Variants in FARS2 observed in about 807,000 individuals in gnomAD.
The protein encoded by FARS2 is phenylalanine--tRNA ligase, mitochondrial.
A neutral mutation model predicts 46.4 loss-of-function variants in FARS2; 40 were observed. That is an observed-to-expected ratio of 0.86 (90% CI 0.67 to 1.12). FARS2 has a LOEUF of 1.12. Among genes scored for constraint, FARS2 ranks in the 50% most tolerant of loss-of-function variants. FARS2 has a pLI of 0.00. For synonymous variants in FARS2, 234 were observed against 214.9 expected (o/e 1.09, Z -0.78); for missense variants, 513 against 567.9 (o/e 0.90, Z 0.98).
At chr6:5,712,002 A>G (rs1759202563) in intron 6 of FARS2, among the ~76,000 whole-genome samples, 1 of 152,216 alleles carries the variant, frequency 6.6e-6, no homozygotes, top group Non-Finnish European at 1.5e-5. Context: ...CTGTAAATCT[A>G]AAGCTTCTAA....
intron 5 of FARS2, chr6:5,610,016 A>G: frequency 1.0e-6 from 1 of 998,090 alleles, no homozygotes; most frequent in Non-Finnish European, 1.6e-6. Flanking sequence ...GCAGTGGCAT[A>G]GTGACAAACC....
chr6:5,754,138 T>C lies in FARS2; in HGVS notation c.1218-17153T>C, dbSNP rs903484088. Among the ~76,000 whole-genome samples the C allele has an allele frequency of 2.0e-5, 3 of 152,252 alleles. 1 individual carries two copies. Among genetic ancestry groups the C allele is most frequent in the African/African-American group, 7.2e-5 (3 of 41,470 alleles). On this transcript the variant is annotated intron_variant, in intron 6 of 6. Transcript: ENST00000274680. ...TTTTGTTCCAGGCACTGTGTTAGGATCTCATACACATATATCTATCTGACT... is the reference window on the plus strand; with the variant it reads ...TTTTGTTCCAGGCACTGTGTTAGGACCTCATACACATATATCTATCTGACT...
At chr6:5,693,148 C>T (rs1380745257) in intron 6 of FARS2, among the ~76,000 whole-genome samples, 1 of 152,170 alleles carries the variant, frequency 6.6e-6, no homozygotes, top group African/African-American at 2.4e-5. Context: ...GCAAATCCAG[C>T]CTGACATTCA....
At chr6:5,345,596 G>A (rs1358251918) in intron 1 of FARS2, among the ~76,000 whole-genome samples, 2 of 152,238 alleles carry the variant, frequency 1.3e-5, no homozygotes, top group Non-Finnish European at 2.9e-5. Context: ...ACGGAGATGA[G>A]TGGTAAGAGA....
intron 6 of FARS2, among the ~76,000 whole-genome samples, chr6:5,670,271 C>T (rs1334963270): frequency 6.6e-6 from 1 of 152,162 alleles, no homozygotes; most frequent in Non-Finnish European, 1.5e-5. Context: ...AAATAAGTTA[C>T]ATCAATACTG....
intron 6 of FARS2, among the ~76,000 whole-genome samples, chr6:5,698,915 G>A (rs760074776): frequency 3.5e-4 from 54 of 152,202 alleles, no homozygotes; most frequent in Non-Finnish European, 7.1e-4. Flanking sequence ...TGGGGCTGCT[G>A]GGCTGCAGGG....
At chr6:5,709,237 C>A (rs1372719973) in intron 6 of FARS2, among the ~76,000 whole-genome samples, 1 of 152,106 alleles carries the variant, frequency 6.6e-6, no homozygotes, top group African/African-American at 2.4e-5. Context: ...GCCATAGATG[C>A]TGAGACTGGA....
chr6:5,436,422 A>G (rs1206426679), intron 4 of FARS2, among the ~76,000 whole-genome samples: 2 of 152,216 alleles, frequency 1.3e-5, no homozygotes, highest in African/African-American at 4.8e-5. Flanking sequence ...CTGTACTGGT[A>G]ATAAACATGC....
chr6:5,695,106 T>G (rs1478566725), intron 6 of FARS2: 2 of 152,268 alleles, frequency 1.3e-5, no homozygotes, highest in Non-Finnish European at 2.9e-5. Context: ...TTTCTTCTTT[T>G]CATTCTCATG....
chr6:5,746,100 C>T (rs977419234), intron 6 of FARS2, among the ~76,000 whole-genome samples: 1 of 152,106 alleles, frequency 6.6e-6, no homozygotes, highest in South Asian at 2.1e-4. Flanking sequence ...CCTGATGATT[C>T]TTTTCATTAT....
intron 5 of FARS2, among the ~76,000 whole-genome samples, chr6:5,564,971 AAC>A (rs1475395108): frequency 1.3e-5 from 2 of 152,178 alleles, no homozygotes; most frequent in Non-Finnish European, 2.9e-5. Context: ...CTTAAAGGGA[AAC>A]ACACACTTTC....
At chr6:5,621,795 A>G (rs1274416288) in intron 6 of FARS2, among the ~76,000 whole-genome samples, 1 of 152,318 alleles carries the variant, frequency 6.6e-6, no homozygotes, top group Admixed American at 6.5e-5. Flanking sequence ...TTATCTCAGG[A>G]TACACCTGAA....
At chr6:5,322,572 T>G (rs1034428101) in intron 1 of FARS2, among the ~76,000 whole-genome samples, 3 of 152,172 alleles carry the variant, frequency 2.0e-5, no homozygotes, top group African/African-American at 7.2e-5. Flanking sequence ...CTTTTTCTTT[T>G]TTTGGTTTGT....
chr6:5,261,685 T>G (rs986527218), intron 1 of FARS2, 25 bp downstream of exon 1: 3 of 152,410 alleles, frequency 2.0e-5, no homozygotes, highest in Non-Finnish European at 4.4e-5. Flanking sequence ...CATTGCAGCC[T>G]GGGGTACGAC....
intron 6 of FARS2, among the ~76,000 whole-genome samples, chr6:5,715,219 A>G (rs1759424793): frequency 6.6e-6 from 1 of 152,100 alleles, no homozygotes. Context: ...CATAATTTTG[A>G]GAGTGAGGAT....
intron 5 of FARS2, among the ~76,000 whole-genome samples, chr6:5,610,545 G>A (rs994661575): frequency 6.6e-6 from 1 of 152,112 alleles, no homozygotes; most frequent in Non-Finnish European, 1.5e-5. Context: ...TAATCTAGAT[G>A]TGCATAGGTT....
intron 6 of FARS2, among the ~76,000 whole-genome samples, chr6:5,743,247 C>A (rs1411966250): frequency 6.6e-6 from 1 of 152,126 alleles, no homozygotes; most frequent in Non-Finnish European, 1.5e-5. Flanking sequence ...ATTGATGGGC[C>A]AGCCTTAAGT....
intron 4 of FARS2, among the ~76,000 whole-genome samples, chr6:5,470,042 A>G (rs904720486): frequency 2.0e-5 from 3 of 152,226 alleles, no homozygotes; most frequent in Non-Finnish European, 4.4e-5. Flanking sequence ...GACACAATAA[A>G]ACTTCAATGA....
In FARS2 at chr6:5,387,837, C is replaced by T. The variant is rs145911308; in HGVS notation, c.613-16705C>T. Among the ~76,000 whole-genome samples the T allele has an allele frequency of 4.1e-4, 62 of 152,242 alleles. 1 individual carries two copies. In the East Asian group the frequency reaches 0.012, roughly 29 times the overall value. On this transcript the variant is annotated intron_variant, in intron 2 of 6. Transcript: ENST00000274680. ...TGTTGTTCCTGGAGCTGCAATCTGT[C>T]TATAGCATGCTGAACTCATTCAGAG... is the stretch of plus-strand genomic sequence containing the variant.
Sources: allele counts gnomAD v4.1 joint callset (sites outside exome capture counted in the v4.1 genomes callset), GRCh38; gene constraint gnomAD v4.1.1; transcripts MANE v1.5; gene names NCBI Gene and HGNC (gene_info 2026-07-23, HGNC 2026-07-21).